Variants in KHDRBS2 observed in about 807,000 individuals in gnomAD.
The protein encoded by KHDRBS2 is KH domain-containing, RNA-binding, signal transduction-associated protein 2.
Under a neutral mutation model 44.3 loss-of-function variants are expected in KHDRBS2, and 26 were observed. That is an observed-to-expected ratio of 0.59 (90% CI 0.43 to 0.81). The LOEUF (loss-of-function observed/expected upper bound fraction) is 0.81. Among genes scored for constraint, KHDRBS2 ranks in the 40% least tolerant of loss-of-function variants. KHDRBS2 has a pLI of 0.00. For synonymous variants in KHDRBS2, 194 were observed against 151.1 expected, an observed-to-expected ratio of 1.28 and a Z score of -2.08; for missense variants, 476 against 433.1, an observed-to-expected ratio of 1.10 and a Z score of -0.88.
intron 4 of KHDRBS2, among the ~76,000 whole-genome samples, chr6:61,933,976 T>C (rs1810560876): frequency 6.6e-6 from 1 of 152,158 alleles, no homozygotes; most frequent in Non-Finnish European, 1.5e-5. Context: ...TCTTTCATAA[T>C]TTTTTGATAA....
At chr6:61,569,833 T>C in the KHDRBS2 span, among the ~76,000 whole-genome samples, 1 of 152,140 alleles carries the variant, frequency 6.6e-6, no homozygotes, top group East Asian at 1.9e-4. Context: ...ATAACAATCA[T>C]TGTAGTCTGG....
chr6:61,622,877 T>C, the KHDRBS2 span, among the ~76,000 whole-genome samples: 1 of 152,036 alleles, frequency 6.6e-6, no homozygotes, highest in South Asian at 2.1e-4. Flanking sequence ...GATGGTCAGA[T>C]AAGTGTTCAC....
Position 62,024,560 on chromosome 6 carries a change from G to T in KHDRBS2, c.336+23318C>A, listed in dbSNP as rs1280920522. 1.3e-5 allele frequency among the ~76,000 whole-genome samples: 2 copies of T among 151,406 alleles called. 1 individual carries two copies. On this transcript the variant is annotated intron_variant, in intron 3 of 8. Transcript: ENST00000281156. ...GATACATTTGAAAGCAAAATATTGT[G>T]ATAGTAATTTATGAAAATAAAATAA...
the KHDRBS2 span, among the ~76,000 whole-genome samples, chr6:61,583,645 A>C: frequency 6.6e-6 from 1 of 151,594 alleles, no homozygotes; most frequent in Non-Finnish European, 1.5e-5. Flanking sequence ...AGGTAGAGTA[A>C]GTTTTTCAAT....
the KHDRBS2 span, among the ~76,000 whole-genome samples, chr6:61,633,132 A>G: frequency 6.6e-6 from 1 of 152,022 alleles, no homozygotes; most frequent in African/African-American, 2.4e-5. Context: ...AGTGTTTCTT[A>G]TTTTTCTTCC....
intron 6 of KHDRBS2, among the ~76,000 whole-genome samples, chr6:61,819,748 T>C (rs1032639505): frequency 6.6e-6 from 1 of 151,946 alleles, no homozygotes; most frequent in African/African-American, 2.4e-5. Context: ...AACATGATAA[T>C]TGATGATGTT....
chr6:62,078,891 T>C (rs1796853505), intron 2 of KHDRBS2, among the ~76,000 whole-genome samples: 1 of 152,052 alleles, frequency 6.6e-6, no homozygotes, highest in Admixed American at 6.6e-5. Context: ...TGTGTGTCAC[T>C]GTTGGAAGAC....
At chr6:61,990,149 A>C (rs1258394467) in intron 3 of KHDRBS2, among the ~76,000 whole-genome samples, 11 of 152,270 alleles carry the variant, frequency 7.2e-5, no homozygotes, top group Admixed American at 3.9e-4. Context: ...ACATAAGTAA[A>C]TTTTGCCACA....
chr6:62,034,272 T>C (rs1784856803), intron 3 of KHDRBS2, among the ~76,000 whole-genome samples: 1 of 151,916 alleles, frequency 6.6e-6, no homozygotes, highest in African/African-American at 2.4e-5. Flanking sequence ...GCAGCAATCC[T>C]ATTGAAAGTA....
At chr6:61,804,885 G>T (rs756761063) in intron 6 of KHDRBS2, among the ~76,000 whole-genome samples, 2 of 152,124 alleles carry the variant, frequency 1.3e-5, no homozygotes, top group Non-Finnish European at 2.9e-5. Context: ...TGCCACGAAG[G>T]CCTCTGACAT....
At chr6:61,728,224 G>A (rs529052355) in intron 7 of KHDRBS2, among the ~76,000 whole-genome samples, 7 of 152,114 alleles carry the variant, frequency 4.6e-5, no homozygotes, top group South Asian at 2.1e-4. Context: ...ATTTATTAAC[G>A]GGGAGCTAAA....
chr6:61,611,663 T>A, the KHDRBS2 span, among the ~76,000 whole-genome samples: 16 of 152,340 alleles, frequency 1.1e-4, no homozygotes, highest in African/African-American at 3.8e-4. Flanking sequence ...AAATTTCAGC[T>A]TTTATTTTAG....
At chr6:62,075,996 C>T (rs1796263348) in intron 2 of KHDRBS2, among the ~76,000 whole-genome samples, 1 of 151,592 alleles carries the variant, frequency 6.6e-6, no homozygotes, top group East Asian at 1.9e-4. Flanking sequence ...ACTCTAATTT[C>T]TATGTGCATG....
At chr6:61,638,873 A>G in the KHDRBS2 span, among the ~76,000 whole-genome samples, 1 of 152,070 alleles carries the variant, frequency 6.6e-6, no homozygotes, top group African/African-American at 2.4e-5. Context: ...TGTCTCTCCT[A>G]TGTTAAATGT....
At chr6:62,018,166 G>A (rs934816190) in intron 3 of KHDRBS2, among the ~76,000 whole-genome samples, 3 of 146,364 alleles carry the variant, frequency 2.0e-5, no homozygotes, top group East Asian at 2.0e-4. Flanking sequence ...TTTTTGAGAC[G>A]GAGTCTTGCT....
chr6:61,696,042 A>C (rs1767864637), intron 8 of KHDRBS2, among the ~76,000 whole-genome samples: 3 of 151,148 alleles, frequency 2.0e-5, no homozygotes, highest in Admixed American at 2.0e-4. Context: ...ATTCGCAGGC[A>C]TGATCATTGC....
At chr6:61,885,352 TC>T (rs1800796319) in intron 6 of KHDRBS2, among the ~76,000 whole-genome samples, 1 of 152,186 alleles carries the variant, frequency 6.6e-6, no homozygotes, top group South Asian at 2.1e-4. Context: ...TGGGGAAACT[TC>T]CGTCAAGTCT....
chr6:62,149,937 C>CT (rs976440948), intron 2 of KHDRBS2, among the ~76,000 whole-genome samples: 6 of 152,052 alleles, frequency 3.9e-5, no homozygotes, highest in African/African-American at 7.2e-5. Flanking sequence ...AACTGAACTC[C>CT]TTTTTTTTCA....
chr6:62,115,595 T>A (rs1410837413), intron 2 of KHDRBS2, among the ~76,000 whole-genome samples: 1 of 152,182 alleles, frequency 6.6e-6, no homozygotes. Flanking sequence ...TATCTGTTTA[T>A]GTATGTATTG....
Sources: allele counts gnomAD v4.1 joint callset (sites outside exome capture counted in the v4.1 genomes callset), GRCh38; gene constraint gnomAD v4.1.1; transcripts MANE v1.5; gene names NCBI Gene and HGNC (gene_info 2026-07-23, HGNC 2026-07-21).